The following LRP2BP variants were observed in gnomAD, a reference collection of about 807,000 sequenced individuals.
The protein encoded by LRP2BP is LRP2-binding protein.
LRP2BP carries 38 observed loss-of-function variants against 45.2 expected under a neutral mutation model. That is an observed-to-expected ratio of 0.84 (90% CI 0.65 to 1.10). The LOEUF is 1.10. Ranked by LOEUF, LRP2BP falls within the 50% of genes least tolerant of loss-of-function variation. LRP2BP has a pLI of 0.00. For missense variants in LRP2BP, 385 were observed against 418.9 expected (o/e 0.92, Z 0.71); for synonymous variants, 153 against 153.9 (o/e 0.99, Z 0.04).
At chr4:185,396,531 C>T (rs1321872923), upstream of LRP2BP, 1 of 226,836 alleles carries the variant, frequency 4.4e-6, no homozygotes, top group African/African-American at 2.3e-5. Flanking sequence ...CTCACGCCCA[C>T]TGACTTACCC....
upstream of LRP2BP, chr4:185,397,074 G>A (rs1399874021): frequency 1.9e-6 from 3 of 1,609,130 alleles, no homozygotes; most frequent in African/African-American, 1.3e-5. Flanking sequence ...TGTGAAGGGC[G>A]GGGAGGTTTC....
In LRP2BP at chr4:185,370,367, C is replaced by T. The variant is rs143654025; in HGVS notation, c.978+273G>A. On this transcript the variant is annotated intron_variant, in intron 8 of 8. Transcript: ENST00000505916. ...AAGAAAAACTGTTCAGCTTTAAGGT[C>T]TTGGTGCTGGGCCTTAGGCTGCAGA... Among the ~76,000 whole-genome samples the T allele has an allele frequency of 1.2e-4, 18 of 152,250 alleles. No homozygotes were observed. The East Asian group carries it at 3.5e-3, about 29-fold the overall frequency.
In LRP2BP at chr4:185,366,369, C is replaced by T. The variant is rs1198106253; in HGVS notation, c.*811G>A. 4.6e-5 allele frequency: 7 copies of T among 152,138 alleles called. No individual in the cohort carries two copies. The highest frequency in any genetic ancestry group is 3.3e-4 in the Admixed American group (5 of 15,268). 9.4% of individuals were successfully genotyped at this position (152,138 alleles called of 1,614,324 possible). A position where few individuals can be genotyped will look rare whatever the true frequency, so the allele number is the denominator to read the frequency against. On this transcript the variant is annotated 3_prime_UTR_variant, in exon 9 of 9. Coordinates refer to ENST00000505916, the MANE Select transcript of LRP2BP (RefSeq NM_001377440.1). ...GAAACAATTTGCTTTACTTTTCTTA[C>T]GAATATTTTCATATAGCAATTGCTT...
In LRP2BP at chr4:185,366,939, G is replaced by A. The variant is rs201526634; in HGVS notation, c.*241C>T. The A allele has an allele frequency of 5.3e-4, 209 of 392,542 alleles. No individual in the cohort carries two copies. In the East Asian group the frequency reaches 7.9e-3, roughly 15 times the overall value. The allele number at this position is 392,542 out of a possible 1,614,324, so 24.3% of individuals were successfully genotyped here. ...TGGTTTTAATACTTGATATGGTCTCGGCCAGTCTGTAGGGTAAGAGGTGGA... is the reference window on the plus strand; with the variant it reads ...TGGTTTTAATACTTGATATGGTCTCAGCCAGTCTGTAGGGTAAGAGGTGGA... On this transcript the variant is annotated 3_prime_UTR_variant, in exon 9 of 9. Transcript: ENST00000505916.
At chr4:185,373,217 C>A in intron 6 of LRP2BP, 138 bp from the exon 7 acceptor site, 1 of 762,796 alleles carries the variant, frequency 1.3e-6, no homozygotes, top group South Asian at 1.9e-5. Context: ...GGCCTTTGGA[C>A]GCATTTCACA....
At chr4:185,391,377 C>T (rs2095487956) in intron 1 of LRP2BP, among the ~76,000 whole-genome samples, 1 of 152,182 alleles carries the variant, frequency 6.6e-6, no homozygotes, top group Non-Finnish European at 1.5e-5. Flanking sequence ...TTTTTGGAAG[C>T]AAGTCATTAT....
chr4:185,374,299 T>C lies in LRP2BP; in HGVS notation c.473+20A>G. ...TTCAGCATTTCCTTCAAACCTAATC[T>C]TGTTCTCAGGTAGGATTACCTTTCA... On this transcript the variant is annotated intron_variant, in intron 5 of 8. Coordinates refer to ENST00000505916, the MANE Select transcript of LRP2BP (RefSeq NM_001377440.1). 1 of 1,614,138 alleles carries C rather than the reference T, an allele frequency of 6.2e-7. No homozygotes were observed. Among genetic ancestry groups the C allele is most frequent in the Non-Finnish European group, 8.5e-7 (1 of 1,180,014 alleles).
At chr4:185,392,344 T>A (rs936764036) in intron 1 of LRP2BP, among the ~76,000 whole-genome samples, 1 of 152,218 alleles carries the variant, frequency 6.6e-6, no homozygotes, top group African/African-American at 2.4e-5. Context: ...CAAAAGAGGA[T>A]AACTATACTT....
intron 8 of LRP2BP, among the ~76,000 whole-genome samples, chr4:185,370,389 CA>C (rs2095410854): frequency 6.6e-6 from 1 of 152,080 alleles, no homozygotes; most frequent in African/African-American, 2.4e-5. Context: ...CCTTAGGCTG[CA>C]GATAGTAGCA....
chr4:185,365,899 G>T lies in LRP2BP; in HGVS notation c.*1281C>A, dbSNP rs1195269657. The T allele has an allele frequency of 6.6e-6, 1 of 152,070 alleles. No homozygotes were observed. The highest frequency in any genetic ancestry group is 1.5e-5 in the Non-Finnish European group (1 of 68,016). 9.4% of individuals were successfully genotyped at this position (152,070 alleles called of 1,614,324 possible). Reference sequence around the variant, plus strand: ...TTCCCTTACACAAAGACAAAATGAAGTTCAGGCAATACAGACAAGCCAGAA... The same window carrying T: ...TTCCCTTACACAAAGACAAAATGAATTTCAGGCAATACAGACAAGCCAGAA... On this transcript the variant is annotated 3_prime_UTR_variant, in exon 9 of 9. Coordinates refer to ENST00000505916, the MANE Select transcript of LRP2BP (RefSeq NM_001377440.1).
intron 1 of LRP2BP, among the ~76,000 whole-genome samples, chr4:185,394,264 TAAA>T (rs56883920): frequency 0.02 from 2,438 of 121,378 alleles, 52 homozygotes; most frequent in African/African-American, 0.058. Context: ...GTTTCAGAGT[TAAA>T]AAAAAAAAAA....
chr4:185,396,646 C>G, upstream of LRP2BP: 1 of 492,004 alleles, frequency 2.0e-6, no homozygotes, highest in Non-Finnish European at 3.6e-6. Flanking sequence ...CCTCGCGCGC[C>G]CGCCCCCTCC....
At chr4:185,375,076 C>T (rs1026617266) in intron 4 of LRP2BP, among the ~76,000 whole-genome samples, 1 of 151,950 alleles carries the variant, frequency 6.6e-6, no homozygotes, top group Admixed American at 6.6e-5. Context: ...TCAAACATCA[C>T]CCAAAAGAAG....
chr4:185,383,338 G>A (rs1316434939), intron 1 of LRP2BP, among the ~76,000 whole-genome samples: 1 of 152,146 alleles, frequency 6.6e-6, no homozygotes, highest in Non-Finnish European at 1.5e-5. Flanking sequence ...AAATTAGCCA[G>A]GTGTGGTGGT....
At chr4:185,383,543 C>T (rs1580002057) in intron 1 of LRP2BP, among the ~76,000 whole-genome samples, 1 of 152,284 alleles carries the variant, frequency 6.6e-6, no homozygotes, top group African/African-American at 2.4e-5. Flanking sequence ...GGGTTGTGTG[C>T]CTGTGCAGAA....
At chr4:185,396,690 G>A, upstream of LRP2BP, 1 of 558,958 alleles carries the variant, frequency 1.8e-6, no homozygotes, top group Non-Finnish European at 3.2e-6. Flanking sequence ...ACGTGCCAGT[G>A]TTTGTGTACG....
rs1243864234 is a variant in LRP2BP, at chr4:185,366,291, T to C, written c.*889A>G. 5.3e-5 allele frequency: 8 copies of C among 152,242 alleles called. No homozygotes were observed. The highest frequency in any genetic ancestry group is 5.2e-4 in the Admixed American group (8 of 15,284). The allele number at this position is 152,242 out of a possible 1,614,324, so 9.4% of individuals were successfully genotyped here. Reference sequence around the variant, plus strand: ...TTGTAGTTCTTGTAAATGATTTCATTGAGGCTTTTACCACAGGGTTTTAAA... The same window carrying C: ...TTGTAGTTCTTGTAAATGATTTCATCGAGGCTTTTACCACAGGGTTTTAAA... On this transcript the variant is annotated 3_prime_UTR_variant, in exon 9 of 9. Coordinates refer to ENST00000505916, the MANE Select transcript of LRP2BP (RefSeq NM_001377440.1).
chr4:185,366,423 A>G lies in LRP2BP; in HGVS notation c.*757T>C, dbSNP rs1290828540. 6.6e-6 allele frequency: 1 copy of G among 152,218 alleles called. No homozygotes were observed. Among genetic ancestry groups the G allele is most frequent in the Non-Finnish European group, 1.5e-5 (1 of 68,038 alleles). The allele number at this position is 152,218 out of a possible 1,614,324, so 9.4% of individuals were successfully genotyped here. On this transcript the variant is annotated 3_prime_UTR_variant, in exon 9 of 9. Coordinates refer to ENST00000505916, the MANE Select transcript of LRP2BP (RefSeq NM_001377440.1). The stretch of plus-strand genomic sequence containing the variant: ...GTTTTATTACACATTCTGCATATGT[A>G]TGTAGCAGTTGTTTTACTCATTAAG...
intron 1 of LRP2BP, among the ~76,000 whole-genome samples, chr4:185,385,793 C>T (rs1428097123): frequency 1.3e-5 from 2 of 149,812 alleles, no homozygotes; most frequent in African/African-American, 2.5e-5. Context: ...CCCAGCTACT[C>T]GGGAGGCTGA....
Sources: gnomAD v4.1 joint callset for allele counts (sites outside exome capture counted in the v4.1 genomes callset) on GRCh38, gnomAD v4.1.1 for gene constraint, MANE v1.5 for transcripts, NCBI Gene and HGNC (gene_info 2026-07-23, HGNC 2026-07-21) for gene names.